Variants in DCAF1 observed in about 807,000 individuals in gnomAD.
The protein encoded by DCAF1 is DDB1- and CUL4-associated factor 1.
Under a neutral mutation model 128.0 loss-of-function variants are expected in DCAF1, and 15 were observed. The ratio of observed to expected loss-of-function variants is 0.12; its 90% CI spans 0.08 to 0.18. The LOEUF (loss-of-function observed/expected upper bound fraction) is 0.18. Ranked by LOEUF, DCAF1 falls within the 10% of genes least tolerant of loss-of-function variation. DCAF1 has a pLI of 1.00. For synonymous variants in DCAF1, 610 were observed against 603.0 expected (o/e 1.01, Z -0.17); for missense variants, 988 against 1,649.5 (o/e 0.60, Z 6.95).
At chr3:51,496,115 A>T (rs1553660766) in intron 2 of DCAF1, among the ~76,000 whole-genome samples, 1 of 151,992 alleles carries the variant, frequency 6.6e-6, no homozygotes. Flanking sequence ...AATATGGAGA[A>T]ACCCTGTCTC....
chr3:51,484,024 C>A (rs897324281), intron 2 of DCAF1, among the ~76,000 whole-genome samples, 188 bp from the exon 3 acceptor site: 1 of 152,142 alleles, frequency 6.6e-6, no homozygotes, highest in Non-Finnish European at 1.5e-5. Flanking sequence ...AGCCTAGATA[C>A]CCATTCAGTA....
intron 1 of DCAF1, among the ~76,000 whole-genome samples, chr3:51,498,422 G>A (rs1484115707): frequency 2.0e-5 from 3 of 149,206 alleles, no homozygotes; most frequent in Non-Finnish European, 4.4e-5. Flanking sequence ...CTCCAGCCTA[G>A]GCTACAGGGC....
Position 51,429,276 on chromosome 3 carries a change from T to C in DCAF1, c.1662A>G (p.Pro554=). The C allele has an allele frequency of 1.3e-6, 1 of 778,716 alleles. No homozygotes were observed. Among genetic ancestry groups the C allele is most frequent in the Non-Finnish European group, 2.4e-6 (1 of 417,034 alleles). The allele number at this position is 778,716 out of a possible 1,614,324, so 48.2% of individuals were successfully genotyped here. A position where few individuals can be genotyped will look rare whatever the true frequency, so the allele number is the denominator to read the frequency against. Residue 554 remains proline (P), a synonymous_variant, in exon 12 of 25, where the codon CCA becomes CCG. Coordinates refer to ENST00000684031, the MANE Select transcript of DCAF1 (RefSeq NM_001387579.1). ...GTCCTCTCACCTTGTACGGGGGTTG[T>C]GGGTGGACAAGAATGCCACCCTCAG... ...QRTEGGILVH[P]QPPYKACSYT...
At chr3:51,505,167 G>A in the DCAF1 span, among the ~76,000 whole-genome samples, 1 of 151,908 alleles carries the variant, frequency 6.6e-6, no homozygotes, top group Non-Finnish European at 1.5e-5. Flanking sequence ...AGGAGCCTGA[G>A]GCATGAGAAT....
At chr3:51,397,506 A>ACTT (rs1553623428), downstream of DCAF1, 1 of 167,002 alleles carries the variant, frequency 6.0e-6, no homozygotes, top group East Asian at 1.9e-4. Flanking sequence ...ATCCTCCAAA[A>ACTT]CTTCCCAGAA....
intron 6 of DCAF1, among the ~76,000 whole-genome samples, chr3:51,445,956 G>C (rs1577171701): frequency 6.8e-6 from 1 of 146,292 alleles, no homozygotes; most frequent in East Asian, 2.0e-4. Context: ...AAGTACTCTT[G>C]CTTTTGCCAG....
chr3:51,410,615 A>G (rs1311873976), intron 23 of DCAF1, among the ~76,000 whole-genome samples: 2 of 152,150 alleles, frequency 1.3e-5, no homozygotes, highest in African/African-American at 4.8e-5. Flanking sequence ...CAAAATTACC[A>G]TTTTCAAATA....
intron 9 of DCAF1, among the ~76,000 whole-genome samples, chr3:51,435,817 C>T (rs747331307): frequency 1.9e-4 from 29 of 152,178 alleles, no homozygotes; most frequent in South Asian, 6.2e-4. Context: ...ATCCCTCGTA[C>T]CTGAACATAA....
intron 3 of DCAF1, among the ~76,000 whole-genome samples, chr3:51,474,217 G>A (rs1442973925): frequency 2.0e-5 from 3 of 152,136 alleles, no homozygotes; most frequent in East Asian, 3.9e-4. Flanking sequence ...TTGGGAGTTC[G>A]AAATCAGCCT....
intron 23 of DCAF1, among the ~76,000 whole-genome samples, chr3:51,408,908 C>T (rs1206117818): frequency 7.2e-5 from 11 of 152,182 alleles, no homozygotes; most frequent in Admixed American, 5.9e-4. Flanking sequence ...CTGGAAGCCA[C>T]AGTAATAACT....
At chr3:51,398,956 A>C in intron 24 of DCAF1, 129 bp from the exon 25 acceptor site, 1 of 1,183,690 alleles carries the variant, frequency 8.4e-7, no homozygotes. Context: ...GAAAGAAGAA[A>C]ACACATCAAT....
At chr3:51,423,334 T>C (rs141002323) in intron 13 of DCAF1, among the ~76,000 whole-genome samples, 1 of 150,014 alleles carries the variant, frequency 6.7e-6, no homozygotes, top group East Asian at 2.0e-4. Flanking sequence ...ACTACTAAAA[T>C]AAAAATTAAA....
upstream of DCAF1, among the ~76,000 whole-genome samples, chr3:51,503,936 G>T (rs950532198): frequency 6.6e-6 from 1 of 152,122 alleles, no homozygotes; most frequent in Non-Finnish European, 1.5e-5. Context: ...TTTGCCTCAG[G>T]TTCCTGGGGT....
At chr3:51,434,776 A>C (rs1366128291) in intron 9 of DCAF1, among the ~76,000 whole-genome samples, 2 of 152,154 alleles carry the variant, frequency 1.3e-5, no homozygotes, top group Non-Finnish European at 2.9e-5. Context: ...AAGGTTTTTT[A>C]ACTGCCTGTT....
At chr3:51,408,496 C>T (rs1184021130) in intron 23 of DCAF1, among the ~76,000 whole-genome samples, 1 of 152,166 alleles carries the variant, frequency 6.6e-6, no homozygotes, top group African/African-American at 2.4e-5. Context: ...TGAAAAGTCT[C>T]TAGTTTTAAA....
intron 23 of DCAF1, among the ~76,000 whole-genome samples, chr3:51,408,742 C>G (rs1264271008): frequency 6.6e-6 from 1 of 152,188 alleles, no homozygotes; most frequent in Non-Finnish European, 1.5e-5. Flanking sequence ...TCCCGTATCT[C>G]TAAATCAAAC....
chr3:51,483,643 G>GTGTGTA, intron 3 of DCAF1, 76 bp downstream of exon 3: 2 of 913,962 alleles, frequency 2.2e-6, no homozygotes, highest in Non-Finnish European at 3.6e-6. Context: ...GTGTGTGTGT[G>GTGTGTA]TGTATGAAGA....
At chr3:51,405,947 T>C (rs2090071693) in intron 23 of DCAF1, among the ~76,000 whole-genome samples, 1 of 152,070 alleles carries the variant, frequency 6.6e-6, no homozygotes. Flanking sequence ...GGCAGGAGGA[T>C]CACTTGAACC....
rs899344923 is a variant in DCAF1, at chr3:51,420,056, T to C, written c.2914A>G (p.Ile972Val). 8.7e-6 allele frequency: 14 copies of C among 1,614,028 alleles called. No homozygotes were observed. Among genetic ancestry groups the C allele is most frequent in the Non-Finnish European group, 1.2e-5 (14 of 1,179,896 alleles). ...TCCGACTTCTGCCGCAACACTCTGA[T>C]TTTCCTGCCATTGCAGGGTGATGGC... ...ERPSPCNGRK[I>V]RVLRQKSDHG... Residue 972 changes from isoleucine (I) to valine (V), a missense_variant, in exon 15 of 25, where the codon ATC (isoleucine) becomes GTC (valine). Physicochemically the swap from Ile to Val is conservative, Grantham distance 29. Around this residue, in one of 11 missense-constraint regions of DCAF1, gnomAD observed 105 missense variants for 266.7 expected, o/e 0.39. Transcript: ENST00000684031. The surrounding 1 kb of genome is among the most constrained non-coding windows in gnomAD (Gnocchi z 6.5).
Sources: gnomAD v4.1 joint callset for allele counts (sites outside exome capture counted in the v4.1 genomes callset) on GRCh38, gnomAD v4.1.1 for gene constraint, gnomAD v4.1.1 regional missense constraint, Gnocchi (gnomAD v3.1) non-coding constraint, MANE v1.5 for transcripts, NCBI Gene and HGNC (gene_info 2026-07-23, HGNC 2026-07-21) for gene names.